Variants in CSMD1 observed in about 807,000 individuals in gnomAD.
CSMD1 encodes CUB and sushi domain-containing protein 1.
In CSMD1, 213 loss-of-function variants were observed where a neutral mutation model predicts 417.5. The observed-to-expected ratio is 0.51, with a 90% CI of 0.46 to 0.57. CSMD1 has a LOEUF of 0.57. CSMD1 is among the 20% of genes least tolerant of loss of function. The probability of loss-of-function intolerance (pLI) is 0.00; values close to 1 mark genes in which losing one functional copy is unlikely to be tolerated. For missense variants in CSMD1, 6,923 were observed against 4,529.7 expected (o/e 1.53, Z -15.17); for synonymous variants, 2,862 against 1,736.8 (o/e 1.65, Z -16.11).
chr8:3,873,645 A>G (rs922706089), intron 5 of CSMD1, among the ~76,000 whole-genome samples: 1 of 152,080 alleles, frequency 6.6e-6, no homozygotes, highest in Non-Finnish European at 1.5e-5. Context: ...TGCATATCAA[A>G]CCCCCATGAC....
chr8:4,725,873 G>C (rs1809400819), intron 1 of CSMD1, among the ~76,000 whole-genome samples: 1 of 152,124 alleles, frequency 6.6e-6, no homozygotes, highest in African/African-American at 2.4e-5. Flanking sequence ...CCGACATCTT[G>C]TAGACCCTGG....
chr8:4,897,098 T>A (rs954586905), intron 1 of CSMD1, among the ~76,000 whole-genome samples: 1 of 152,056 alleles, frequency 6.6e-6, no homozygotes, highest in Non-Finnish European at 1.5e-5. Flanking sequence ...AATTTCAGGC[T>A]TGACTTTGGG....
intron 5 of CSMD1, among the ~76,000 whole-genome samples, chr8:3,870,716 A>G (rs1396114858): frequency 6.6e-6 from 1 of 152,134 alleles, no homozygotes; most frequent in Non-Finnish European, 1.5e-5. Flanking sequence ...TCATTTATAT[A>G]TTCTCCTCTG....
intron 1 of CSMD1, among the ~76,000 whole-genome samples, chr8:4,961,150 C>A (rs560981675): frequency 9.9e-5 from 15 of 152,152 alleles, no homozygotes; most frequent in Non-Finnish European, 1.9e-4. Flanking sequence ...TTACCTTGAA[C>A]AACTTTTTGT....
At chr8:3,337,575 T>C (rs1052711926) in intron 23 of CSMD1, among the ~76,000 whole-genome samples, 1 of 152,192 alleles carries the variant, frequency 6.6e-6, no homozygotes. Flanking sequence ...ATCAATGCTA[T>C]GTCTAATGCT....
chr8:4,201,540 CAAAAAAAAAAAAAA>C (rs1157479482), intron 3 of CSMD1, among the ~76,000 whole-genome samples: 12 of 59,030 alleles, frequency 2.0e-4, no homozygotes, highest in African/African-American at 4.3e-4. Flanking sequence ...TCTGTCTCCA[CAAAAAAAAAAAAAA>C]AAAAAAAAAA....
Position 3,260,115 on chromosome 8 carries a change from G to A in CSMD1, c.4153+24029C>T, listed in dbSNP as rs117072802. 1.4e-3 allele frequency among the ~76,000 whole-genome samples: 216 copies of A among 152,244 alleles called. 1 individual carries two copies. The highest frequency in any genetic ancestry group is 2.6e-3 in the Non-Finnish European group (177 of 68,030). ...TGGCATTTTTCTTTGCATGTATATG[G>A]CATTTCCCTTACCTTGCTCTTTCCC... On this transcript the variant is annotated intron_variant, in intron 26 of 69. Coordinates refer to ENST00000635120, the MANE Select transcript of CSMD1 (RefSeq NM_033225.6).
At chr8:4,044,325 A>C (rs1798039480) in intron 3 of CSMD1, among the ~76,000 whole-genome samples, 1 of 152,242 alleles carries the variant, frequency 6.6e-6, no homozygotes, top group South Asian at 2.1e-4. Flanking sequence ...TGCAACACTT[A>C]AAAATAACAC....
chr8:4,571,226 G>A (rs949958580), intron 2 of CSMD1, among the ~76,000 whole-genome samples: 2 of 152,242 alleles, frequency 1.3e-5, no homozygotes, highest in Non-Finnish European at 2.9e-5. Context: ...TCTTTCAGTT[G>A]TGATGTTAGG....
At chr8:4,705,784 T>C (rs1179410955) in intron 1 of CSMD1, among the ~76,000 whole-genome samples, 1 of 152,202 alleles carries the variant, frequency 6.6e-6, no homozygotes, top group African/African-American at 2.4e-5. Flanking sequence ...GATAACATTC[T>C]ATCTTACAGA....
At chr8:4,424,250 T>G (rs1173479796) in intron 2 of CSMD1, among the ~76,000 whole-genome samples, 2 of 151,982 alleles carry the variant, frequency 1.3e-5, no homozygotes, top group African/African-American at 4.8e-5. Flanking sequence ...AGAATAAAAG[T>G]GTATGCTGCA....
At position 4,063,601 on chromosome 8, in the gene CSMD1, C is replaced by T. The variant is rs966313916; in HGVS notation, c.416-31502G>A. On this transcript the variant is annotated intron_variant, in intron 3 of 69. Transcript: ENST00000635120. Reference sequence around the variant, plus strand: ...ATTCCTTGGCACTGACAAGGTGCCACGTACGTTTCCAGTTCAGCGGCTTCC... The same window carrying T: ...ATTCCTTGGCACTGACAAGGTGCCATGTACGTTTCCAGTTCAGCGGCTTCC... 3.3e-5 allele frequency among the ~76,000 whole-genome samples: 5 copies of T among 152,200 alleles called. 1 individual carries two copies. The highest frequency in any genetic ancestry group is 4.1e-4 in the South Asian group (2 of 4,832).
chr8:3,726,689 G>C (rs1230584954), intron 6 of CSMD1, among the ~76,000 whole-genome samples: 1 of 152,142 alleles, frequency 6.6e-6, no homozygotes, highest in Non-Finnish European at 1.5e-5. Context: ...GTTTGTGAGT[G>C]GTACGAGGTG....
intron 42 of CSMD1, among the ~76,000 whole-genome samples, chr8:3,114,806 T>C (rs1246031658): frequency 6.6e-6 from 1 of 152,198 alleles, no homozygotes; most frequent in Non-Finnish European, 1.5e-5. Context: ...TATGTAATAA[T>C]ACATTGTTTA....
chr8:3,996,852 A>G lies in CSMD1; in HGVS notation c.818+1051T>C, dbSNP rs568128431. On this transcript the variant is annotated intron_variant, in intron 5 of 69. Coordinates refer to ENST00000635120, the MANE Select transcript of CSMD1 (RefSeq NM_033225.6). ...CAGCATTGAGCCTTGTGATTTGGAAAACAAAGTGCAACTCAATTCAATTCC... is the reference window on the plus strand; with the variant it reads ...CAGCATTGAGCCTTGTGATTTGGAAGACAAAGTGCAACTCAATTCAATTCC... Among the ~76,000 whole-genome samples, 8 of 152,344 alleles carry G rather than the reference A, an allele frequency of 5.3e-5. No homozygotes were observed. In the East Asian group the frequency reaches 1.5e-3, roughly 29 times the overall value.
chr8:3,288,387 C>A (rs1256924062), intron 25 of CSMD1, among the ~76,000 whole-genome samples: 1 of 146,998 alleles, frequency 6.8e-6, no homozygotes, highest in East Asian at 2.0e-4. Flanking sequence ...CCAGCTCCTC[C>A]TTGTACCTCT....
At chr8:4,775,185 G>A (rs181830567) in intron 1 of CSMD1, among the ~76,000 whole-genome samples, 5 of 152,034 alleles carry the variant, frequency 3.3e-5, no homozygotes, top group African/African-American at 9.7e-5. Context: ...ACATCAACTA[G>A]AATTTGATTA....
At chr8:3,171,230 C>CCACA (rs1206298395) in intron 37 of CSMD1, among the ~76,000 whole-genome samples, 2 of 152,170 alleles carry the variant, frequency 1.3e-5, no homozygotes, top group African/African-American at 4.8e-5. Flanking sequence ...TCCTGGTGAA[C>CCACA]TGTGATAGAA....
chr8:3,179,103 G>T, intron 37 of CSMD1, among the ~76,000 whole-genome samples: 1 of 151,476 alleles, frequency 6.6e-6, no homozygotes, highest in Non-Finnish European at 1.5e-5. Flanking sequence ...CCGCCACCAC[G>T]CCTGGCTAAT....
Sources: gnomAD v4.1 joint callset for allele counts (sites outside exome capture counted in the v4.1 genomes callset) on GRCh38, gnomAD v4.1.1 for gene constraint, MANE v1.5 for transcripts, NCBI Gene and HGNC (gene_info 2026-07-23, HGNC 2026-07-21) for gene names.